The following TACR1 variants were observed in gnomAD, a reference collection of about 807,000 sequenced individuals.
TACR1 encodes the protein tachykinin receptor 1.
Under a neutral mutation model 35.8 loss-of-function variants are expected in TACR1, and 25 were observed. That is an observed-to-expected ratio of 0.70 (90% CI 0.51 to 0.98). TACR1 has a LOEUF of 0.98. TACR1 is among the 50% of genes least tolerant of loss of function. The probability of loss-of-function intolerance (pLI) is 0.00; values close to 1 mark genes in which losing one functional copy is unlikely to be tolerated. For synonymous variants in TACR1, 195 were observed against 206.7 expected (o/e 0.94, Z 0.48); for missense variants, 478 against 522.9 (o/e 0.91, Z 0.84).
At chr2:75,061,310 C>T (rs1395416179) in intron 2 of TACR1, among the ~76,000 whole-genome samples, 2 of 151,924 alleles carry the variant, frequency 1.3e-5, no homozygotes, top group Non-Finnish European at 2.9e-5. Context: ...ATCAGAGACC[C>T]AGGGCAGATT....
At chr2:75,062,016 A>C (rs185240248) in intron 2 of TACR1, among the ~76,000 whole-genome samples, 11 of 152,322 alleles carry the variant, frequency 7.2e-5, no homozygotes, top group African/African-American at 2.4e-4. Context: ...TGTTTTCATC[A>C]CAAAATCAGC....
At chr2:75,090,270 C>A (rs988073557) in intron 2 of TACR1, among the ~76,000 whole-genome samples, 1 of 152,108 alleles carries the variant, frequency 6.6e-6, no homozygotes, top group Non-Finnish European at 1.5e-5. Context: ...TTCTAAGGCC[C>A]CCCAACCATC....
chr2:75,123,386 C>A (rs191463112), intron 1 of TACR1, among the ~76,000 whole-genome samples: 34 of 152,322 alleles, frequency 2.2e-4, no homozygotes, highest in African/African-American at 7.9e-4. Context: ...CACCACTCCC[C>A]ATGCTCGAAT....
At chr2:75,051,479 A>G in intron 3 of TACR1, 32 bp from the exon 4 acceptor site, 1 of 1,612,138 alleles carries the variant, frequency 6.2e-7, no homozygotes, top group Non-Finnish European at 8.5e-7. Context: ...TGAGACCACC[A>G]GCACATCCCC....
chr2:75,081,489 G>A (rs1558546314), intron 2 of TACR1, among the ~76,000 whole-genome samples: 2 of 152,170 alleles, frequency 1.3e-5, no homozygotes, highest in South Asian at 4.1e-4. Flanking sequence ...CTCTCCAAGG[G>A]TGGACCATCC....
chr2:75,119,984 A>T lies in TACR1; in HGVS notation c.584+590T>A, dbSNP rs141597333. ...ATCCCACAAGGAAAGCTCGGACGTGATGTAAAACACAAACCACAGAGACAC... is the reference window on the plus strand; with the variant it reads ...ATCCCACAAGGAAAGCTCGGACGTGTTGTAAAACACAAACCACAGAGACAC... On this transcript the variant is annotated intron_variant, in intron 2 of 4. Coordinates refer to ENST00000305249, the MANE Select transcript of TACR1 (RefSeq NM_001058.4). Among the ~76,000 whole-genome samples the T allele has an allele frequency of 7.9e-5, 12 of 152,336 alleles. 1 individual carries two copies. In the East Asian group the frequency reaches 2.3e-3, roughly 29 times the overall value.
intron 1 of TACR1, among the ~76,000 whole-genome samples, chr2:75,135,922 C>T (rs763060053): frequency 3.3e-5 from 5 of 152,186 alleles, no homozygotes; most frequent in East Asian, 3.9e-4. Context: ...CTCTCCATTT[C>T]GCATTCTGTT....
At chr2:75,056,428 T>G (rs1178481329) in intron 2 of TACR1, among the ~76,000 whole-genome samples, 1 of 152,178 alleles carries the variant, frequency 6.6e-6, no homozygotes, top group Non-Finnish European at 1.5e-5. Flanking sequence ...GGGCAGCTCC[T>G]ACACCCCGGA....
rs577573324 is a variant in TACR1 at position 75,094,500 on chromosome 2, A to C, written c.584+26074T>G. ...AGGCAAACAACATTTACAGAATGTC[A>C]AGTCTACATAGTTTGTGATTCTCAA... is the stretch of plus-strand genomic sequence containing the variant. On this transcript the variant is annotated intron_variant, in intron 2 of 4. Transcript: ENST00000305249. Among the ~76,000 whole-genome samples, 6 of 152,208 alleles carry C rather than the reference A, an allele frequency of 3.9e-5. No homozygotes were observed. The East Asian group carries it at 1.2e-3, about 29-fold the overall frequency.
At chr2:75,197,452 C>T (rs190436599) in intron 1 of TACR1, among the ~76,000 whole-genome samples, 30 of 152,272 alleles carry the variant, frequency 2.0e-4, no homozygotes, top group Admixed American at 1.5e-3. Context: ...TCAAAAGACT[C>T]CATTTTAAAA....
chr2:75,139,944 G>GT lies in TACR1; in HGVS notation c.390-19177dup, dbSNP rs1386008841. Reference sequence around the variant, plus strand: ...TAAAAATGTAGCTCATTAATTCTAGGTGCACATCCAGGTTGTTAACGGAGA... The same window carrying GT: ...TAAAAATGTAGCTCATTAATTCTAGGTTGCACATCCAGGTTGTTAACGGAGA... On this transcript the variant is annotated intron_variant, in intron 1 of 4. Transcript: ENST00000305249. Among the ~76,000 whole-genome samples the GT allele has an allele frequency of 5.3e-5, 8 of 152,294 alleles. No individual in the cohort carries two copies. The South Asian group carries it at 1.7e-3, about 32-fold the overall frequency.
At chr2:75,119,139 G>T (rs1056381403) in intron 2 of TACR1, among the ~76,000 whole-genome samples, 7 of 152,166 alleles carry the variant, frequency 4.6e-5, no homozygotes, top group African/African-American at 1.7e-4. Context: ...CAAAGCTTGG[G>T]GGAAATGACA....
chr2:75,107,687 G>A (rs1673675873), intron 2 of TACR1, among the ~76,000 whole-genome samples: 1 of 151,828 alleles, frequency 6.6e-6, no homozygotes, highest in Non-Finnish European at 1.5e-5. Flanking sequence ...GAATACGAGA[G>A]CACTATATAT....
At chr2:75,173,288 A>T (rs542891182) in intron 1 of TACR1, among the ~76,000 whole-genome samples, 1 of 152,060 alleles carries the variant, frequency 6.6e-6, no homozygotes, top group South Asian at 2.1e-4. Context: ...GGTTTCCATA[A>T]TTTTTTCTAC....
intron 2 of TACR1, among the ~76,000 whole-genome samples, chr2:75,077,809 GC>G (rs1368249899): frequency 6.6e-6 from 1 of 152,082 alleles, no homozygotes; most frequent in Non-Finnish European, 1.5e-5. Context: ...ATAAGGGAAG[GC>G]CCCCAGGAAC....
At chr2:75,121,676 G>T (rs1673973552) in intron 1 of TACR1, among the ~76,000 whole-genome samples, 1 of 152,178 alleles carries the variant, frequency 6.6e-6, no homozygotes, top group Non-Finnish European at 1.5e-5. Context: ...CATTTTAAAA[G>T]ACATCTCTCT....
At chr2:75,178,905 C>A (rs1295917040) in intron 1 of TACR1, among the ~76,000 whole-genome samples, 1 of 152,208 alleles carries the variant, frequency 6.6e-6, no homozygotes, top group African/African-American at 2.4e-5. Flanking sequence ...CGCCAGGGCT[C>A]AGGCAGGGAA....
chr2:75,148,543 C>A (rs1674598287), intron 1 of TACR1, among the ~76,000 whole-genome samples: 2 of 152,086 alleles, frequency 1.3e-5, no homozygotes, highest in South Asian at 4.2e-4. Flanking sequence ...TTGTTTATAT[C>A]CTTTGCCCAC....
At chr2:75,116,590 G>C (rs1362443352) in intron 2 of TACR1, among the ~76,000 whole-genome samples, 1 of 152,096 alleles carries the variant, frequency 6.6e-6, no homozygotes, top group Non-Finnish European at 1.5e-5. Flanking sequence ...GGTATGCATA[G>C]CTTCTTCTTT....
Sources: allele counts gnomAD v4.1 joint callset (sites outside exome capture counted in the v4.1 genomes callset), GRCh38; gene constraint gnomAD v4.1.1; transcripts MANE v1.5; gene names NCBI Gene and HGNC (gene_info 2026-07-23, HGNC 2026-07-21).